The following TRERF1 variants were observed in gnomAD, a reference collection of about 807,000 sequenced individuals.
TRERF1 encodes the protein transcriptional-regulating factor 1.
Under a neutral mutation model 122.9 loss-of-function variants are expected in TRERF1, and 27 were observed. That is an observed-to-expected ratio of 0.22 (90% confidence interval 0.16 to 0.30). The LOEUF is 0.30. Among genes scored for constraint, TRERF1 ranks in the 10% least tolerant of loss-of-function variants. TRERF1 has a pLI of 1.00. For synonymous variants in TRERF1, 636 were observed against 641.7 expected (o/e 0.99, Z 0.13); for missense variants, 1,248 against 1,560.3 (o/e 0.80, Z 3.37).
At chr6:42,374,756 C>T (rs1044506702) in intron 2 of TRERF1, among the ~76,000 whole-genome samples, 2 of 151,940 alleles carry the variant, frequency 1.3e-5, no homozygotes, top group Admixed American at 1.3e-4. Flanking sequence ...ACCTGCAATC[C>T]CAGCACTTTG....
intron 2 of TRERF1, among the ~76,000 whole-genome samples, chr6:42,430,222 C>T (rs1010306321): frequency 1.3e-5 from 2 of 151,988 alleles, no homozygotes; most frequent in Admixed American, 6.6e-5. Context: ...CTCTGCCACC[C>T]CATCCCATCA....
rs1044460903 is a variant in TRERF1, at chr6:42,312,664, G to A, written c.-370-11915C>T. On this transcript the variant is annotated intron_variant, in intron 3 of 17. Coordinates refer to ENST00000372922, the Ensembl canonical transcript of TRERF1. ...CAGATACAGATGCTCCATCCTCCAC[G>A]GGCATATGGATTTGTGCTGTACTCA... Among the ~76,000 whole-genome samples the A allele has an allele frequency of 3.3e-5, 5 of 152,144 alleles. No individual in the cohort carries two copies. The South Asian group carries it at 8.3e-4, about 25-fold the overall frequency.
At chr6:42,377,425 C>T (rs1163430531) in intron 2 of TRERF1, among the ~76,000 whole-genome samples, 5 of 152,296 alleles carry the variant, frequency 3.3e-5, no homozygotes, top group Middle Eastern at 3.4e-3. Flanking sequence ...CACCATATGG[C>T]CTTTTGTGAC....
At chr6:42,440,628 G>C (rs537592627) in intron 2 of TRERF1, among the ~76,000 whole-genome samples, 1 of 152,118 alleles carries the variant, frequency 6.6e-6, no homozygotes, top group Admixed American at 6.5e-5. Context: ...GCTCTGGGAG[G>C]TAAAAGATAT....
intron 3 of TRERF1, among the ~76,000 whole-genome samples, chr6:42,359,653 G>T (rs1015469728): frequency 1.3e-5 from 2 of 152,178 alleles, no homozygotes; most frequent in Non-Finnish European, 2.9e-5. Context: ...GAACCTGGGA[G>T]GCGGAGGTTG....
chr6:42,387,814 AT>A (rs1777060279), intron 2 of TRERF1, among the ~76,000 whole-genome samples: 1 of 151,758 alleles, frequency 6.6e-6, no homozygotes, highest in Non-Finnish European at 1.5e-5. Context: ...ATTTTATTTT[AT>A]TTTATTTTTT....
intron 2 of TRERF1, among the ~76,000 whole-genome samples, chr6:42,371,795 T>C (rs528541000): frequency 6.6e-6 from 1 of 152,308 alleles, no homozygotes; most frequent in South Asian, 2.1e-4. Context: ...TGTGCTTGTA[T>C]ATGGCAAGCT....
chr6:42,410,881 T>C (rs1781009122), intron 2 of TRERF1, among the ~76,000 whole-genome samples: 1 of 152,254 alleles, frequency 6.6e-6, no homozygotes, highest in African/African-American at 2.4e-5. Flanking sequence ...TGATCTGTAA[T>C]TTCCTTCTTG....
chr6:42,316,053 T>TG (rs1157430093), intron 3 of TRERF1, among the ~76,000 whole-genome samples: 1 of 151,948 alleles, frequency 6.6e-6, no homozygotes, highest in Non-Finnish European at 1.5e-5. Flanking sequence ...CCACTGGGGG[T>TG]GGGGGCACCT....
At chr6:42,399,908 T>C (rs1245502672) in intron 2 of TRERF1, among the ~76,000 whole-genome samples, 1 of 151,984 alleles carries the variant, frequency 6.6e-6, no homozygotes, top group African/African-American at 2.4e-5. Context: ...GTCACTTTTG[T>C]TGCCCACCAT....
intron 2 of TRERF1, among the ~76,000 whole-genome samples, chr6:42,390,103 A>G (rs1240737278): frequency 2.0e-5 from 3 of 152,274 alleles, no homozygotes; most frequent in Non-Finnish European, 2.9e-5. Flanking sequence ...AAACGGAGGT[A>G]GAAGCAGAGA....
At chr6:42,444,419 A>G (rs1440150963) in intron 2 of TRERF1, among the ~76,000 whole-genome samples, 1 of 152,082 alleles carries the variant, frequency 6.6e-6, no homozygotes, top group Non-Finnish European at 1.5e-5. Context: ...ATGCAGTACC[A>G]TTTCTGATGC....
intron 14 of TRERF1, among the ~76,000 whole-genome samples, chr6:42,243,641 C>G (rs9767636): frequency 1.3e-5 from 2 of 150,158 alleles, no homozygotes; most frequent in Non-Finnish European, 3.0e-5. Context: ...AGTGCAGTGG[C>G]GCAATCTCGG....
intron 2 of TRERF1, among the ~76,000 whole-genome samples, chr6:42,436,818 T>A (rs865812259): frequency 0.026 from 2,876 of 111,738 alleles, 130 homozygotes; most frequent in African/African-American, 0.1. Context: ...AAAAAAAATA[T>A]ATATATATAT....
chr6:42,269,037 A>G lies in TRERF1; in HGVS notation c.554T>C (p.Leu185Pro), dbSNP rs762522012. 5.6e-6 allele frequency: 9 copies of G among 1,614,138 alleles called. No individual in the cohort carries two copies. In the South Asian group the frequency reaches 9.9e-5, roughly 18 times the overall value. ...TGGGGGCTCCATGGGCTTCTGAGAC[A>G]GCAGCTGGCGGAGAGCACTGTCAGG... The change falls in exon 5 of 18, where the codon CTG becomes CCG. Residue 185 changes from leucine to proline, a missense_variant. Physicochemically the swap from Leu to Pro is moderately conservative, Grantham distance 98. This residue lies in a region of TRERF1 where 946 missense variants were observed against 1,073.0 expected (regional missense o/e 0.88). Transcript: ENST00000372922. The surrounding 1 kb of genome is among the most constrained non-coding windows in gnomAD (Gnocchi z 4.9).
intron 15 of TRERF1, among the ~76,000 whole-genome samples, chr6:42,241,696 A>C (rs1773749284): frequency 6.6e-6 from 1 of 151,978 alleles, no homozygotes; most frequent in African/African-American, 2.4e-5. Flanking sequence ...TCCTGACCTT[A>C]GATGATCTGC....
chr6:42,350,677 C>T (rs537499608), intron 3 of TRERF1, among the ~76,000 whole-genome samples: 1 of 152,252 alleles, frequency 6.6e-6, no homozygotes, highest in African/African-American at 2.4e-5. Context: ...AACCCTATGA[C>T]AGGTCAGGAA....
intron 12 of TRERF1, among the ~76,000 whole-genome samples, 184 bp from the exon 13 acceptor site, chr6:42,255,110 CCTT>C (rs1166303126): frequency 6.6e-6 from 1 of 152,186 alleles, no homozygotes; most frequent in Non-Finnish European, 1.5e-5. Context: ...ATAAGACTCT[CCTT>C]CTAACACCCT....
At chr6:42,285,511 A>T (rs1169703674) in intron 4 of TRERF1, among the ~76,000 whole-genome samples, 2 of 152,100 alleles carry the variant, frequency 1.3e-5, no homozygotes, top group African/African-American at 2.4e-5. Context: ...CAGAACTTCC[A>T]ACACTATGTT....
Sources: allele counts gnomAD v4.1 joint callset (sites outside exome capture counted in the v4.1 genomes callset), GRCh38; gene constraint gnomAD v4.1.1; regional missense constraint gnomAD v4.1.1; non-coding constraint Gnocchi (gnomAD v3.1); transcripts MANE v1.5; gene names NCBI Gene and HGNC (gene_info 2026-07-23, HGNC 2026-07-21).